SLCO3A1: variants seen among roughly 807,000 people sequenced by gnomAD.
SLCO3A1 encodes PGE1 transporter.
In SLCO3A1, 27 loss-of-function variants were observed where a neutral mutation model predicts 63.1. That is an observed-to-expected ratio of 0.43 (90% CI 0.32 to 0.59). The LOEUF is 0.59. SLCO3A1 is among the 20% of genes least tolerant of loss of function. The probability of loss-of-function intolerance (pLI) is 0.09; values close to 1 mark genes in which losing one functional copy is unlikely to be tolerated. For missense variants in SLCO3A1, 773 were observed against 945.8 expected, an observed-to-expected ratio of 0.82 and a Z score of 2.40; for synonymous variants, 473 against 409.9, an observed-to-expected ratio of 1.15 and a Z score of -1.86.
In SLCO3A1 at chr15:91,875,008, G is replaced by C. The variant is rs1357430467; in HGVS notation, c.180+20920G>C. On this transcript the variant is annotated intron_variant, in intron 1 of 9. Transcript: ENST00000318445. This position sits in a 1 kb window ranked among gnomAD's most constrained non-coding sequence, Gnocchi z 4.5. Reference sequence around the variant, plus strand: ...GTTGACCCCTGCTCATGGTGCTAAGGCTGACCATGAGGTTGAGATGGGTGG... The same window carrying C: ...GTTGACCCCTGCTCATGGTGCTAAGCCTGACCATGAGGTTGAGATGGGTGG... Among the ~76,000 whole-genome samples, 4 of 152,274 alleles carry C rather than the reference G, an allele frequency of 2.6e-5. No individual in the cohort carries two copies. In the East Asian group the frequency reaches 5.8e-4, roughly 22 times the overall value.
intron 2 of SLCO3A1, among the ~76,000 whole-genome samples, chr15:91,956,154 C>T (rs1413574669): frequency 6.6e-6 from 1 of 152,150 alleles, no homozygotes; most frequent in African/African-American, 2.4e-5. Context: ...GAGCTAAGGT[C>T]TGGCTATTGT....
intron 2 of SLCO3A1, among the ~76,000 whole-genome samples, chr15:91,953,206 T>C (rs987975907): frequency 9.2e-5 from 14 of 152,194 alleles, no homozygotes; most frequent in Admixed American, 3.3e-4. Context: ...ACTGTCATCT[T>C]AGAAAGCATC....
At chr15:92,097,722 T>C (rs2047557307) in intron 3 of SLCO3A1, among the ~76,000 whole-genome samples, 1 of 152,102 alleles carries the variant, frequency 6.6e-6, no homozygotes, top group South Asian at 2.1e-4. Context: ...TTTGCGTCCT[T>C]CCCGGAGGCA....
intron 2 of SLCO3A1, among the ~76,000 whole-genome samples, chr15:91,965,500 C>G (rs569500462): frequency 4.5e-4 from 68 of 152,296 alleles, no homozygotes; most frequent in African/African-American, 1.6e-3. Context: ...ATTGACTGTT[C>G]ACTTTAGAAT....
Position 92,126,146 on chromosome 15 carries a change from C to T in SLCO3A1, c.1260C>T (p.Ala420=). 6.2e-7 allele frequency: 1 copy of T among 1,613,994 alleles called. No individual in the cohort carries two copies. Among genetic ancestry groups the T allele is most frequent in the Non-Finnish European group, 8.5e-7 (1 of 1,179,994 alleles). The part of the protein sequence containing the change: ...VKKLSLSALG[A]IRMAMLVNLV... ...AGCTCAGCCTGTCTGCCCTGGGGGC[C>T]ATTCGGATGGCCATGCTCGTCAACC... Residue 420 remains alanine, a synonymous_variant, in exon 6 of 10, where the codon GCC becomes GCT. Transcript: ENST00000318445.
At chr15:92,140,672 G>A (rs1304867514) in intron 7 of SLCO3A1, among the ~76,000 whole-genome samples, 3 of 152,120 alleles carry the variant, frequency 2.0e-5, no homozygotes. Context: ...CCTGTATTGG[G>A]TGCATATATA....
intron 7 of SLCO3A1, 41 bp from the exon 8 acceptor site, chr15:92,146,943 G>C: frequency 6.4e-6 from 10 of 1,551,918 alleles, no homozygotes; most frequent in Non-Finnish European, 8.7e-6. Context: ...TTGGAAACCG[G>C]AAGTACCCCC....
intron 2 of SLCO3A1, among the ~76,000 whole-genome samples, chr15:91,992,636 A>G (rs2046141365): frequency 6.6e-6 from 1 of 152,182 alleles, no homozygotes. Flanking sequence ...GCCCAGTAAC[A>G]GTCAAGATGT....
chr15:91,993,210 G>A (rs2046149081), intron 2 of SLCO3A1, among the ~76,000 whole-genome samples: 4 of 152,282 alleles, frequency 2.6e-5, no homozygotes, highest in South Asian at 4.1e-4. Context: ...GTCTTTGTAC[G>A]AATTGCATTA....
intron 4 of SLCO3A1, among the ~76,000 whole-genome samples, chr15:92,117,590 A>G (rs116582580): frequency 6.6e-6 from 1 of 152,188 alleles, no homozygotes; most frequent in African/African-American, 2.4e-5. Context: ...ATTCAAATGT[A>G]TTCATTACAA....
At chr15:92,012,610 A>G (rs2046381076) in intron 2 of SLCO3A1, among the ~76,000 whole-genome samples, 1 of 152,164 alleles carries the variant, frequency 6.6e-6, no homozygotes, top group Admixed American at 6.5e-5. Context: ...GTACAGGTAC[A>G]TGGTTTTCCC....
At chr15:92,147,184 T>G (rs773070346) in intron 8 of SLCO3A1, 25 bp downstream of exon 8, 12 of 1,592,248 alleles carry the variant, frequency 7.5e-6, no homozygotes, top group Non-Finnish European at 9.4e-6. Flanking sequence ...CAGCCCCGCC[T>G]CTCCTCCTTT....
intron 2 of SLCO3A1, among the ~76,000 whole-genome samples, chr15:92,076,881 G>A (rs1422319814): frequency 6.6e-6 from 1 of 152,162 alleles, no homozygotes; most frequent in Non-Finnish European, 1.5e-5. Context: ...GTATGAGATT[G>A]GGGAGTGTAT....
chr15:91,996,843 T>C (rs1230239286), intron 2 of SLCO3A1, among the ~76,000 whole-genome samples: 1 of 152,162 alleles, frequency 6.6e-6, no homozygotes, highest in Admixed American at 6.5e-5. Flanking sequence ...TATATCTAGA[T>C]GGTTAACATC....
At chr15:91,947,612 C>T (rs1002327027) in intron 2 of SLCO3A1, among the ~76,000 whole-genome samples, 2 of 152,172 alleles carry the variant, frequency 1.3e-5, no homozygotes, top group African/African-American at 4.8e-5. Flanking sequence ...TCGTTGCCTT[C>T]GGCCTTTGTC....
intron 2 of SLCO3A1, among the ~76,000 whole-genome samples, chr15:92,068,980 A>G (rs1482450635): frequency 6.6e-6 from 1 of 151,982 alleles, no homozygotes; most frequent in Non-Finnish European, 1.5e-5. Context: ...GGAGATTCCT[A>G]CTCTGTGCTA....
chr15:92,073,361 T>C (rs2047239320), intron 2 of SLCO3A1, among the ~76,000 whole-genome samples: 1 of 152,214 alleles, frequency 6.6e-6, no homozygotes, highest in South Asian at 2.1e-4. Context: ...TGAGATGTTA[T>C]GGAAACACTT....
chr15:92,092,129 T>C (rs1157391077), intron 2 of SLCO3A1, among the ~76,000 whole-genome samples: 1 of 152,186 alleles, frequency 6.6e-6, no homozygotes, highest in African/African-American at 2.4e-5. Flanking sequence ...TGTGCTATGA[T>C]GTCTGGCTAG....
chr15:92,140,232 T>C (rs2048112759), intron 7 of SLCO3A1, among the ~76,000 whole-genome samples: 1 of 135,154 alleles, frequency 7.4e-6, no homozygotes, highest in African/African-American at 2.9e-5. Flanking sequence ...CATTTCGTTA[T>C]GTATCCAGTA....
Sources: allele counts gnomAD v4.1 joint callset (sites outside exome capture counted in the v4.1 genomes callset), GRCh38; gene constraint gnomAD v4.1.1; non-coding constraint Gnocchi (gnomAD v3.1); transcripts MANE v1.5; gene names NCBI Gene and HGNC (gene_info 2026-07-23, HGNC 2026-07-21).